Variants in GMDS observed in about 807,000 individuals in gnomAD.
GMDS encodes the protein GDP-mannose 4,6-dehydratase, also known as GDP-mannose 4,6 dehydratase.
A neutral mutation model predicts 49.9 loss-of-function variants in GMDS; 20 were observed. That is an observed-to-expected ratio of 0.40 (90% CI 0.28 to 0.58). The LOEUF is 0.58. GMDS is among the 20% of genes least tolerant of loss of function. The probability of loss-of-function intolerance (pLI) is 0.42; values close to 1 mark genes in which losing one functional copy is unlikely to be tolerated. For synonymous variants in GMDS, 177 were observed against 178.6 expected, an observed-to-expected ratio of 0.99 and a Z score of 0.07; for missense variants, 362 against 481.4, an observed-to-expected ratio of 0.75 and a Z score of 2.32.
intron 7 of GMDS, among the ~76,000 whole-genome samples, chr6:1,817,437 T>C (rs1315858959): frequency 6.6e-6 from 1 of 152,206 alleles, no homozygotes; most frequent in Non-Finnish European, 1.5e-5. Flanking sequence ...AGTTTCTAAC[T>C]GAAATGTTTG....
intron 7 of GMDS, among the ~76,000 whole-genome samples, chr6:1,856,953 C>T (rs1757963288): frequency 6.6e-6 from 1 of 152,186 alleles, no homozygotes; most frequent in Admixed American, 6.5e-5. Context: ...GTAAGTTTTT[C>T]AGCACACTTA....
chr6:2,006,590 T>A (rs889582853), intron 4 of GMDS, among the ~76,000 whole-genome samples: 1 of 152,210 alleles, frequency 6.6e-6, no homozygotes. Context: ...TAGGAAAACC[T>A]ACAAATTAAT....
intron 7 of GMDS, among the ~76,000 whole-genome samples, chr6:1,906,996 T>C (rs1034160404): frequency 1.3e-5 from 2 of 152,168 alleles, no homozygotes; most frequent in Admixed American, 6.5e-5. Context: ...TCCCAGACCA[T>C]GGAGGGTGAG....
intron 9 of GMDS, among the ~76,000 whole-genome samples, chr6:1,702,692 G>A (rs989492116): frequency 1.3e-5 from 2 of 152,162 alleles, no homozygotes; most frequent in African/African-American, 4.8e-5. Context: ...GATCTTAAGA[G>A]CTTCAGCAGG....
intron 9 of GMDS, among the ~76,000 whole-genome samples, chr6:1,703,793 G>T (rs181642914): frequency 6.6e-6 from 1 of 152,236 alleles, no homozygotes; most frequent in Non-Finnish European, 1.5e-5. Flanking sequence ...ACCAGTGGCC[G>T]CAGGGCCAAG....
At chr6:2,129,688 C>T (rs960985723) in intron 1 of GMDS, among the ~76,000 whole-genome samples, 2 of 152,158 alleles carry the variant, frequency 1.3e-5, no homozygotes, top group Admixed American at 6.5e-5. Context: ...CCCAGCTAAT[C>T]GGAATTACAA....
intron 7 of GMDS, among the ~76,000 whole-genome samples, chr6:1,749,500 C>A (rs962160598): frequency 6.6e-6 from 1 of 151,528 alleles, no homozygotes; most frequent in Non-Finnish European, 1.5e-5. Context: ...GGCTGAGGCA[C>A]AAGAATCACT....
chr6:1,638,979 C>G lies in GMDS; in HGVS notation c.988-14439G>C, dbSNP rs548829359. Reference sequence around the variant, plus strand: ...TTGAAATCTTCTTATTCCATCCTGGCCAACATTCGTTCATACATGCAGTCA... The same window carrying G: ...TTGAAATCTTCTTATTCCATCCTGGGCAACATTCGTTCATACATGCAGTCA... On this transcript the variant is annotated intron_variant, in intron 9 of 10. Coordinates refer to ENST00000380815, the MANE Select transcript of GMDS (RefSeq NM_001500.4). 1.5e-4 allele frequency among the ~76,000 whole-genome samples: 23 copies of G among 152,292 alleles called. No individual in the cohort carries two copies. The South Asian group carries it at 1.7e-3, about 11-fold the overall frequency.
chr6:1,950,281 T>C (rs994936967), intron 6 of GMDS, among the ~76,000 whole-genome samples: 1 of 152,230 alleles, frequency 6.6e-6, no homozygotes, highest in East Asian at 1.9e-4. Flanking sequence ...ATCCTATGCA[T>C]TGAAAGATAA....
intron 1 of GMDS, among the ~76,000 whole-genome samples, chr6:2,131,289 A>G (rs1481233903): frequency 1.3e-5 from 2 of 152,216 alleles, no homozygotes; most frequent in South Asian, 2.1e-4. Flanking sequence ...AAATGAGACT[A>G]AAGGGTTTAA....
intron 4 of GMDS, among the ~76,000 whole-genome samples, chr6:2,082,145 G>C (rs1254151379): frequency 6.6e-6 from 1 of 152,094 alleles, no homozygotes; most frequent in East Asian, 1.9e-4. Context: ...AAAGACACAT[G>C]ATACGTGTTC....
chr6:2,089,653 T>C (rs1773207986), intron 4 of GMDS, among the ~76,000 whole-genome samples: 1 of 152,228 alleles, frequency 6.6e-6, no homozygotes, highest in Non-Finnish European at 1.5e-5. Context: ...AAACTTATTC[T>C]TGGGTCTTAT....
At chr6:2,229,314 G>A (rs1453327798) in intron 1 of GMDS, among the ~76,000 whole-genome samples, 1 of 150,362 alleles carries the variant, frequency 6.7e-6, no homozygotes, top group African/African-American at 2.5e-5. Flanking sequence ...ATTCATGCCT[G>A]TAATCCCAGC....
intron 4 of GMDS, among the ~76,000 whole-genome samples, chr6:2,107,219 G>C (rs1432372545): frequency 6.6e-6 from 1 of 152,182 alleles, no homozygotes; most frequent in Non-Finnish European, 1.5e-5. Flanking sequence ...CAATCTGTTT[G>C]AACAGGGAGA....
chr6:1,971,395 C>A (rs1051807038), intron 4 of GMDS, among the ~76,000 whole-genome samples: 1 of 152,134 alleles, frequency 6.6e-6, no homozygotes, highest in African/African-American at 2.4e-5. Flanking sequence ...TTATATTTTT[C>A]TTCAAAAATG....
chr6:2,057,281 T>C (rs1378027767), intron 4 of GMDS, among the ~76,000 whole-genome samples: 2 of 152,188 alleles, frequency 1.3e-5, no homozygotes, highest in African/African-American at 4.8e-5. Flanking sequence ...GGTCTCATGA[T>C]AATATCTTCT....
At chr6:2,189,682 T>C (rs1373348446) in intron 1 of GMDS, among the ~76,000 whole-genome samples, 1 of 152,202 alleles carries the variant, frequency 6.6e-6, no homozygotes, top group Non-Finnish European at 1.5e-5. Context: ...ATTTGCAGAA[T>C]GTGAAACTAG....
At chr6:2,116,631 T>C (rs1236227627) in intron 3 of GMDS, among the ~76,000 whole-genome samples, 1 of 152,204 alleles carries the variant, frequency 6.6e-6, no homozygotes, top group Non-Finnish European at 1.5e-5. Context: ...ATCTTCCTGA[T>C]GCTGTCACTA....
In GMDS at chr6:1,989,676, G is replaced by A. The variant is rs1765802568; in HGVS notation, c.346-28710C>T. 2.0e-5 allele frequency among the ~76,000 whole-genome samples: 3 copies of A among 152,136 alleles called. No individual in the cohort carries two copies. The South Asian group carries it at 6.2e-4, about 32-fold the overall frequency. ...TCCCCTGCCACAACAAACCAAGACT[G>A]GTACACTCCCTTCCAAACACTCCTC... On this transcript the variant is annotated intron_variant, in intron 4 of 10. Transcript: ENST00000380815.
Sources: gnomAD v4.1 joint callset for allele counts (sites outside exome capture counted in the v4.1 genomes callset) on GRCh38, gnomAD v4.1.1 for gene constraint, MANE v1.5 for transcripts, NCBI Gene and HGNC (gene_info 2026-07-23, HGNC 2026-07-21) for gene names.